NCKAP5: variants seen among roughly 807,000 people sequenced by gnomAD.
The protein encoded by NCKAP5 is nck-associated protein 5.
NCKAP5 carries 92 observed loss-of-function variants against 167.0 expected under a neutral mutation model. The observed-to-expected ratio is 0.55, with a 90% confidence interval of 0.47 to 0.66. The LOEUF (loss-of-function observed/expected upper bound fraction) is 0.66. NCKAP5 is among the 30% of genes least tolerant of loss of function. The pLI, the probability that NCKAP5 is intolerant of heterozygous loss-of-function variation, is 0.00. For missense variants in NCKAP5, 2,378 were observed against 2,315.0 expected (o/e 1.03, Z -0.56); for synonymous variants, 891 against 877.4 (o/e 1.02, Z -0.27).
intron 3 of NCKAP5, among the ~76,000 whole-genome samples, chr2:133,309,344 A>G (rs1681065983): frequency 2.6e-5 from 4 of 152,212 alleles, no homozygotes; most frequent in Admixed American, 2.6e-4. Flanking sequence ...GATCTGAAAT[A>G]CCACAAGGAA....
chr2:132,816,483 A>G (rs1293822824), intron 11 of NCKAP5, among the ~76,000 whole-genome samples: 1 of 152,024 alleles, frequency 6.6e-6, no homozygotes, highest in Non-Finnish European at 1.5e-5. Flanking sequence ...TCTCCACAGG[A>G]GGGCTGTCCA....
chr2:133,343,705 T>A (rs1243205667), intron 3 of NCKAP5, among the ~76,000 whole-genome samples: 2 of 152,196 alleles, frequency 1.3e-5, no homozygotes, highest in African/African-American at 4.8e-5. Flanking sequence ...GTAAAGGACA[T>A]CCCAAGTTCC....
At chr2:133,022,162 T>G (rs1413924389) in intron 6 of NCKAP5, among the ~76,000 whole-genome samples, 1 of 152,186 alleles carries the variant, frequency 6.6e-6, no homozygotes, top group Non-Finnish European at 1.5e-5. Flanking sequence ...CCTCAAAATA[T>G]GACTGTAGGA....
At position 133,428,564 on chromosome 2, in the gene NCKAP5, C is replaced by T. The variant is rs1486143042; in HGVS notation, c.69+88894G>A. Among the ~76,000 whole-genome samples the T allele has an allele frequency of 3.3e-5, 5 of 152,144 alleles. No homozygotes were observed. The East Asian group carries it at 9.6e-4, about 29-fold the overall frequency. On this transcript the variant is annotated intron_variant, in intron 3 of 19. Transcript: ENST00000409261. ...CAATATATTAAATTACTTTTATAAA[C>T]TCGGAGTAAAAGAGATAAGATATTC...
At chr2:133,273,477 C>T (rs994114205) in intron 4 of NCKAP5, among the ~76,000 whole-genome samples, 1 of 151,450 alleles carries the variant, frequency 6.6e-6, no homozygotes, top group African/African-American at 2.4e-5. Flanking sequence ...CCATATCTCA[C>T]AGAGAGTTAC....
At chr2:133,361,265 T>C (rs1300485305) in intron 3 of NCKAP5, among the ~76,000 whole-genome samples, 1 of 152,144 alleles carries the variant, frequency 6.6e-6, no homozygotes, top group African/African-American at 2.4e-5. Context: ...TAAGTAGCCA[T>C]GTCCAGTTGA....
At chr2:132,743,867 C>T (rs1218683656) in intron 16 of NCKAP5, among the ~76,000 whole-genome samples, 1 of 151,234 alleles carries the variant, frequency 6.6e-6, no homozygotes, top group Non-Finnish European at 1.5e-5. Flanking sequence ...AGCATGCAAA[C>T]TCTAATAAAA....
At chr2:132,878,102 A>G (rs1574493751) in intron 9 of NCKAP5, among the ~76,000 whole-genome samples, 1 of 152,128 alleles carries the variant, frequency 6.6e-6, no homozygotes, top group Non-Finnish European at 1.5e-5. Flanking sequence ...GCAGGGAGAG[A>G]CAGGATGCGT....
At chr2:133,257,912 C>T (rs935186143) in intron 4 of NCKAP5, among the ~76,000 whole-genome samples, 6 of 152,162 alleles carry the variant, frequency 3.9e-5, no homozygotes, top group Admixed American at 2.0e-4. Flanking sequence ...ACCTGGGCCA[C>T]GCAAAGAACC....
At chr2:133,198,431 A>G (rs924350381) in intron 5 of NCKAP5, among the ~76,000 whole-genome samples, 6 of 152,154 alleles carry the variant, frequency 3.9e-5, no homozygotes, top group Non-Finnish European at 8.8e-5. Flanking sequence ...GAATAACTCT[A>G]ATGACTGTAG....
At chr2:132,762,595 G>A (rs1304602140) in intron 16 of NCKAP5, among the ~76,000 whole-genome samples, 1 of 152,166 alleles carries the variant, frequency 6.6e-6, no homozygotes, top group Non-Finnish European at 1.5e-5. Context: ...TTCCCCTTCA[G>A]GTACCTGGGT....
intron 8 of NCKAP5, among the ~76,000 whole-genome samples, chr2:132,953,480 T>C (rs2076253953): frequency 6.6e-6 from 1 of 152,114 alleles, no homozygotes; most frequent in South Asian, 2.1e-4. Context: ...CTTAATTAAT[T>C]AGTATATTTT....
chr2:133,233,995 C>T (rs986525069), intron 4 of NCKAP5, among the ~76,000 whole-genome samples: 4 of 152,168 alleles, frequency 2.6e-5, no homozygotes, highest in Admixed American at 6.5e-5. Flanking sequence ...TCAGGACTAT[C>T]GAAAGAAGGG....
intron 6 of NCKAP5, among the ~76,000 whole-genome samples, chr2:133,101,049 A>G (rs944487663): frequency 1.3e-5 from 2 of 151,778 alleles, no homozygotes; most frequent in Admixed American, 1.3e-4. Context: ...TAACGTTTAA[A>G]CCTTTAATCC....
At chr2:133,554,023 T>C (rs1052345511) in intron 2 of NCKAP5, among the ~76,000 whole-genome samples, 5 of 152,180 alleles carry the variant, frequency 3.3e-5, no homozygotes, top group Non-Finnish European at 7.3e-5. Context: ...CTGGGTCCTC[T>C]CCCAAGCTCA....
intron 2 of NCKAP5, among the ~76,000 whole-genome samples, chr2:133,547,320 C>T (rs1686811715): frequency 6.6e-6 from 1 of 152,212 alleles, no homozygotes; most frequent in Non-Finnish European, 1.5e-5. Flanking sequence ...CGCCATTGCC[C>T]AGCCTTGATT....
chr2:132,705,584 A>G lies in NCKAP5; in HGVS notation c.5713+20043T>C, dbSNP rs953624998. Among the ~76,000 whole-genome samples the G allele has an allele frequency of 3.9e-5, 6 of 152,222 alleles. No individual in the cohort carries two copies. The East Asian group carries it at 1.2e-3, about 29-fold the overall frequency. ...ACGTTTAAAAGTCTAGTCAGGTTTA[A>G]AATGTAAGTTGCTTTGCAAAGCCCC... On this transcript the variant is annotated intron_variant, in intron 19 of 19. Coordinates refer to ENST00000409261, the MANE Select transcript of NCKAP5 (RefSeq NM_207363.3).
Position 133,194,989 on chromosome 2 carries a change from C to T in NCKAP5, c.207+18727G>A, listed in dbSNP as rs75977976. On this transcript the variant is annotated intron_variant, in intron 5 of 19. Coordinates refer to ENST00000409261, the MANE Select transcript of NCKAP5 (RefSeq NM_207363.3). ...CAGAACTTCTAATGTAATTACATGT[C>T]GGATGAATCACTAATACAGGCATAT... Among the ~76,000 whole-genome samples the T allele has an allele frequency of 6.0e-3, 911 of 151,984 alleles. 19 individuals carry two copies. Among genetic ancestry groups the T allele is most frequent in the Admixed American group, 0.015 (235 of 15,210 alleles).
intron 15 of NCKAP5, among the ~76,000 whole-genome samples, chr2:132,776,072 A>G (rs1052552824): frequency 6.6e-6 from 1 of 152,186 alleles, no homozygotes; most frequent in Admixed American, 6.5e-5. Flanking sequence ...AGTCATACAG[A>G]ATTTCAGTTA....
Sources: allele counts gnomAD v4.1 joint callset (sites outside exome capture counted in the v4.1 genomes callset), GRCh38; gene constraint gnomAD v4.1.1; transcripts MANE v1.5; gene names NCBI Gene and HGNC (gene_info 2026-07-23, HGNC 2026-07-21).